Variants in BOLL observed in about 807,000 individuals in gnomAD.
BOLL encodes the protein boule RNA binding protein, also known as protein boule-like.
A neutral mutation model predicts 44.4 loss-of-function variants in BOLL; 23 were observed. The observed-to-expected ratio is 0.52, with a 90% confidence interval of 0.37 to 0.73. The LOEUF (loss-of-function observed/expected upper bound fraction) is 0.73. Ranked by LOEUF, BOLL falls within the 30% of genes least tolerant of loss-of-function variation. The pLI is 0.00. For synonymous variants in BOLL, 97 were observed against 110.8 expected (o/e 0.88, Z 0.78); for missense variants, 287 against 338.3 (o/e 0.85, Z 1.19).
chr2:197,729,480 G>A (rs1176979787), intron 10 of BOLL, among the ~76,000 whole-genome samples: 2 of 152,170 alleles, frequency 1.3e-5, no homozygotes, highest in African/African-American at 4.8e-5. Context: ...AAGGAGGCCT[G>A]CCTGCCTCTG....
chr2:197,764,755 C>A (rs1396902335), intron 7 of BOLL, among the ~76,000 whole-genome samples: 1 of 152,096 alleles, frequency 6.6e-6, no homozygotes, highest in East Asian at 1.9e-4. Flanking sequence ...ACTCTCAAAT[C>A]ATGAAGTGAT....
intron 10 of BOLL, among the ~76,000 whole-genome samples, chr2:197,738,813 T>C (rs117800426): frequency 1.2e-4 from 19 of 152,262 alleles, no homozygotes; most frequent in East Asian, 9.6e-4. Context: ...AAAATTTGCA[T>C]TGGAAGTAAA....
At chr2:197,731,697 C>G (rs1337587577) in intron 10 of BOLL, among the ~76,000 whole-genome samples, 1 of 151,850 alleles carries the variant, frequency 6.6e-6, no homozygotes, top group Non-Finnish European at 1.5e-5. Flanking sequence ...AACTGAACAA[C>G]CTGCTCCTGA....
chr2:197,743,976 AT>A (rs558650548), intron 9 of BOLL, among the ~76,000 whole-genome samples: 1 of 151,932 alleles, frequency 6.6e-6, no homozygotes, highest in Non-Finnish European at 1.5e-5. Context: ...CACCCGGCTA[AT>A]TTTTTGTATT....
chr2:197,770,682 G>A (rs1689204858), intron 6 of BOLL, among the ~76,000 whole-genome samples: 1 of 152,126 alleles, frequency 6.6e-6, no homozygotes, highest in African/African-American at 2.4e-5. Context: ...CAAAAAGTGG[G>A]TGAAGGATAT....
intron 10 of BOLL, 43 bp downstream of exon 10, chr2:197,743,018 G>A: frequency 7.0e-7 from 1 of 1,438,142 alleles, no homozygotes; most frequent in Non-Finnish European, 9.4e-7. Flanking sequence ...CTTGAAATAT[G>A]ATGGAAGAAA....
intron 9 of BOLL, among the ~76,000 whole-genome samples, chr2:197,744,481 G>A (rs1290139521): frequency 5.9e-5 from 9 of 152,158 alleles, no homozygotes. Flanking sequence ...AGAAAGGAAA[G>A]TTTGTGTCAG....
chr2:197,782,459 G>A (rs1689832256), intron 1 of BOLL, among the ~76,000 whole-genome samples: 1 of 152,182 alleles, frequency 6.6e-6, no homozygotes, highest in South Asian at 2.1e-4. Context: ...ATCAGCTATA[G>A]TTTTAGCCTC....
At position 197,757,395 on chromosome 2, in the gene BOLL, G is replaced by C. The variant is rs375232587; in HGVS notation, c.558C>G (p.Thr186=). 1.2e-6 allele frequency: 2 copies of C among 1,608,202 alleles called. No individual in the cohort carries two copies. The highest frequency in any genetic ancestry group is 1.7e-6 in the Non-Finnish European group (2 of 1,177,692). ...GCCACTGTCCTGGTAAATACTGTGTGGTGGCCTAAAATTAAATAAAAGAAA... is the reference window on the plus strand; with the variant it reads ...GCCACTGTCCTGGTAAATACTGTGTCGTGGCCTAAAATTAAATAAAAGAAA... ...YQQPAYHYQA[T]TQYLPGQWQW... is the part of the protein sequence containing the mutation. The change falls in exon 8 of 11, where the codon ACC becomes ACG. Residue 186 remains threonine (T), a synonymous_variant. Transcript: ENST00000392296.
In BOLL at chr2:197,760,128, C is replaced by T. The variant is rs1688687258; in HGVS notation, c.553-2728G>A. ...CCAGTGGGCATGATCCCAGGCCGAC[C>T]AATAGCCCTGTGCCTGCATTCTGGG... On this transcript the variant is annotated intron_variant, in intron 7 of 10. Coordinates refer to ENST00000392296, the MANE Select transcript of BOLL (RefSeq NM_033030.6). Among the ~76,000 whole-genome samples the T allele has an allele frequency of 4.6e-5, 7 of 152,086 alleles. 2 individuals are homozygous for T. The South Asian group carries it at 1.5e-3, about 32-fold the overall frequency.
chr2:197,758,211 G>A (rs1361885599), intron 7 of BOLL, among the ~76,000 whole-genome samples: 1 of 152,102 alleles, frequency 6.6e-6, no homozygotes, highest in Non-Finnish European at 1.5e-5. Flanking sequence ...AATGTCCATC[G>A]CAGTATCATT....
chr2:197,772,364 A>G (rs1038471758), intron 5 of BOLL, among the ~76,000 whole-genome samples: 7 of 152,128 alleles, frequency 4.6e-5, no homozygotes, highest in Non-Finnish European at 5.9e-5. Context: ...TCAAGACAAC[A>G]TACACTGTAG....
chr2:197,744,685 T>C (rs1278964518), intron 9 of BOLL, among the ~76,000 whole-genome samples: 2 of 152,158 alleles, frequency 1.3e-5, no homozygotes, highest in East Asian at 3.8e-4. Flanking sequence ...CAGGATAATA[T>C]TGCCTCTTAC....
At chr2:197,754,740 A>T (rs1688429449) in intron 9 of BOLL, among the ~76,000 whole-genome samples, 1 of 120,104 alleles carries the variant, frequency 8.3e-6, no homozygotes, top group Admixed American at 8.8e-5. Context: ...AACAAACAAA[A>T]AAACCCCAAA....
intron 5 of BOLL, among the ~76,000 whole-genome samples, chr2:197,773,011 T>C (rs978884296): frequency 6.6e-6 from 1 of 151,878 alleles, no homozygotes; most frequent in African/African-American, 2.4e-5. Context: ...TCAAATAGCA[T>C]GGGCCTACCA....
At chr2:197,786,002 A>G, upstream of BOLL, 7 of 1,612,176 alleles carry the variant, frequency 4.3e-6, no homozygotes, top group South Asian at 2.2e-5. This position sits in a 1 kb window ranked among gnomAD's most constrained non-coding sequence, Gnocchi z 5.9. Context: ...CTCGGTTTCC[A>G]TCTTCCTCTC....
chr2:197,753,554 A>T (rs1049874081), intron 9 of BOLL, among the ~76,000 whole-genome samples: 5 of 152,252 alleles, frequency 3.3e-5, no homozygotes, highest in Non-Finnish European at 5.9e-5. Flanking sequence ...ATCACTGGTC[A>T]TTAGAGAAAT....
In BOLL at chr2:197,766,388, A is replaced by G. The variant is rs1462589737; in HGVS notation, c.552+144T>C. 5 of 725,376 alleles carry G rather than the reference A, an allele frequency of 6.9e-6. 1 individual carries two copies. In the Middle Eastern group the frequency reaches 8.3e-4, roughly 120 times the overall value. 44.9% of individuals were successfully genotyped at this position (725,376 alleles called of 1,614,324 possible). ...CATTCTGACTGGTGTGAGATGGTAT[A>G]TCAATGTGGTTTTGATTCACATTTC... On this transcript the variant is annotated intron_variant, in intron 7 of 10. Coordinates refer to ENST00000392296, the MANE Select transcript of BOLL (RefSeq NM_033030.6).
intron 6 of BOLL, among the ~76,000 whole-genome samples, chr2:197,766,874 A>T (rs1179182964): frequency 6.6e-6 from 1 of 152,008 alleles, no homozygotes; most frequent in Non-Finnish European, 1.5e-5. Flanking sequence ...ATCTCCAAAG[A>T]TTATGAAAAT....
Sources: gnomAD v4.1 joint callset for allele counts (sites outside exome capture counted in the v4.1 genomes callset) on GRCh38, gnomAD v4.1.1 for gene constraint, Gnocchi (gnomAD v3.1) non-coding constraint, MANE v1.5 for transcripts, NCBI Gene and HGNC (gene_info 2026-07-23, HGNC 2026-07-21) for gene names.